The following GALNT10 variants were observed in gnomAD, a reference collection of about 807,000 sequenced individuals.
GALNT10 encodes polypeptide N-acetylgalactosaminyltransferase 10.
In GALNT10, 41 loss-of-function variants were observed where a neutral mutation model predicts 75.0. That is an observed-to-expected ratio of 0.55 (90% CI 0.43 to 0.71). The LOEUF (loss-of-function observed/expected upper bound fraction) is 0.71. Among genes scored for constraint, GALNT10 ranks in the 30% least tolerant of loss-of-function variants. GALNT10 has a pLI of 0.00. For missense variants in GALNT10, 727 were observed against 818.5 expected (o/e 0.89, Z 1.36); for synonymous variants, 302 against 313.0 (o/e 0.96, Z 0.37).
chr5:154,320,533 G>A (rs1293261365), intron 3 of GALNT10, among the ~76,000 whole-genome samples: 1 of 152,196 alleles, frequency 6.6e-6, no homozygotes. Flanking sequence ...AGATGTTAAG[G>A]CAGGAACTTT....
chr5:154,415,735 G>T (rs758997097), intron 10 of GALNT10, 48 bp from the exon 11 acceptor site: 1 of 1,535,906 alleles, frequency 6.5e-7, no homozygotes, highest in Non-Finnish European at 8.8e-7. Flanking sequence ...GAGAAAAAAA[G>T]AAAGTCCTTG....
intron 3 of GALNT10, among the ~76,000 whole-genome samples, chr5:154,317,002 C>A (rs1266299000): frequency 1.3e-5 from 2 of 152,216 alleles, no homozygotes; most frequent in Non-Finnish European, 2.9e-5. Flanking sequence ...CTCCCCATGG[C>A]TGTTTTAAAT....
intron 1 of GALNT10, among the ~76,000 whole-genome samples, chr5:154,285,059 A>G (rs1240590240): frequency 6.6e-6 from 1 of 152,202 alleles, no homozygotes; most frequent in African/African-American, 2.4e-5. Flanking sequence ...TCAAAAGTCC[A>G]GTGTGGGCAG....
At chr5:154,345,303 G>A (rs1205812867) in intron 4 of GALNT10, among the ~76,000 whole-genome samples, 3 of 152,122 alleles carry the variant, frequency 2.0e-5, no homozygotes, top group Non-Finnish European at 4.4e-5. Context: ...CTTTTTTGTA[G>A]TGAGAATATT....
At chr5:154,391,945 G>A (rs1755904776) in intron 7 of GALNT10, among the ~76,000 whole-genome samples, 1 of 152,136 alleles carries the variant, frequency 6.6e-6, no homozygotes, top group Non-Finnish European at 1.5e-5. Context: ...GCCCATCCCT[G>A]AACAATACTG....
chr5:154,260,544 C>G (rs1366113305), intron 1 of GALNT10, among the ~76,000 whole-genome samples: 1 of 152,034 alleles, frequency 6.6e-6, no homozygotes, highest in East Asian at 1.9e-4. Context: ...CAGGATGCAC[C>G]CCTTTTTAAA....
intron 1 of GALNT10, among the ~76,000 whole-genome samples, chr5:154,240,802 C>T (rs561369794): frequency 7.2e-5 from 11 of 152,180 alleles, no homozygotes; most frequent in Non-Finnish European, 1.6e-4. Context: ...TGCTATTTCA[C>T]TGTGGTATGG....
chr5:154,293,638 A>T lies in GALNT10; in HGVS notation c.160-1178A>T, dbSNP rs768472046. ...ATTTTTTTTTTCCTTTCAGCCATTC[A>T]ATTGCTTCTTCATACATTCCATGCC... On this transcript the variant is annotated intron_variant, in intron 1 of 11. Transcript: ENST00000297107. Among the ~76,000 whole-genome samples the T allele has an allele frequency of 4.5e-5, 6 of 132,196 alleles. No individual in the cohort carries two copies. The South Asian group carries it at 6.5e-4, about 14-fold the overall frequency. 86.7% of individuals were successfully genotyped at this position (132,196 alleles called of 152,430 possible). A position where few individuals can be genotyped will look rare whatever the true frequency, so the allele number is the denominator to read the frequency against.
At chr5:154,301,477 A>T (rs1283644951) in intron 3 of GALNT10, among the ~76,000 whole-genome samples, 2 of 151,930 alleles carry the variant, frequency 1.3e-5, no homozygotes, top group Non-Finnish European at 2.9e-5. Flanking sequence ...ATATGTAATG[A>T]TCAAGTCAAG....
chr5:154,293,615 T>TATA lies in GALNT10; in HGVS notation c.160-1201_160-1200insATA, dbSNP rs1561652563. Among the ~76,000 whole-genome samples, 31 of 132,938 alleles carry TATA rather than the reference T, an allele frequency of 2.3e-4. No homozygotes were observed. The East Asian group carries it at 4.5e-3, about 19-fold the overall frequency. 87.2% of individuals were successfully genotyped at this position (132,938 alleles called of 152,430 possible). A position where few individuals can be genotyped will look rare whatever the true frequency, so the allele number is the denominator to read the frequency against. On this transcript the variant is annotated intron_variant, in intron 1 of 11. Coordinates refer to ENST00000297107, the MANE Select transcript of GALNT10 (RefSeq NM_198321.4). ...GGCTGATATATATATATATATATAT[T>TATA]TTTTTTTTCCTTTCAGCCATTCAAT... is the stretch of plus-strand genomic sequence containing the variant.
chr5:154,248,268 TTC>T (rs891349544), intron 1 of GALNT10, among the ~76,000 whole-genome samples: 8 of 152,240 alleles, frequency 5.3e-5, no homozygotes, highest in African/African-American at 1.4e-4. Flanking sequence ...TGGTCTAAAA[TTC>T]TCTTTTTTTG....
rs1175684788 is a variant in GALNT10, at chr5:154,298,402, G to A, written c.401+323G>A. On this transcript the variant is annotated intron_variant, in intron 3 of 11. Transcript: ENST00000297107. The surrounding 1 kb of genome is among the most constrained non-coding windows in gnomAD (Gnocchi z 4.1). ...TTAACTTTCATTCTCTTCACTTTCT[G>A]TGTGATGTTTTTATTTCTTTTTAAA... is the stretch of plus-strand genomic sequence containing the variant. 2.6e-5 allele frequency among the ~76,000 whole-genome samples: 4 copies of A among 152,070 alleles called. No homozygotes were observed. Among genetic ancestry groups the A allele is most frequent in the Non-Finnish European group, 5.9e-5 (4 of 68,026 alleles).
At chr5:154,260,411 C>G (rs1302472632) in intron 1 of GALNT10, among the ~76,000 whole-genome samples, 1 of 152,160 alleles carries the variant, frequency 6.6e-6, no homozygotes, top group South Asian at 2.1e-4. Context: ...AGCAAGCGTG[C>G]AGCCAGTCAT....
chr5:154,321,624 A>G (rs544225555), intron 3 of GALNT10, among the ~76,000 whole-genome samples: 26 of 151,854 alleles, frequency 1.7e-4, no homozygotes, highest in Non-Finnish European at 2.9e-4. Flanking sequence ...GCACCTGGCC[A>G]CCCCCAGAAC....
intron 1 of GALNT10, among the ~76,000 whole-genome samples, chr5:154,218,551 C>T (rs1440203306): frequency 6.6e-6 from 1 of 152,132 alleles, no homozygotes; most frequent in Non-Finnish European, 1.5e-5. Context: ...AGAGTGCTAA[C>T]CACAAGTAAG....
At chr5:154,297,032 G>A (rs1302762101) in intron 2 of GALNT10, among the ~76,000 whole-genome samples, 1 of 152,204 alleles carries the variant, frequency 6.6e-6, no homozygotes, top group African/African-American at 2.4e-5. Flanking sequence ...AGCTCCAGAA[G>A]GCAAGATGAT....
At chr5:154,273,518 T>A (rs1328119740) in intron 1 of GALNT10, among the ~76,000 whole-genome samples, 1 of 152,118 alleles carries the variant, frequency 6.6e-6, no homozygotes, top group Non-Finnish European at 1.5e-5. Context: ...GCCAGGAGCA[T>A]AATGTCCAGT....
chr5:154,265,786 GT>G (rs1186198958), intron 1 of GALNT10, among the ~76,000 whole-genome samples: 1 of 152,038 alleles, frequency 6.6e-6, no homozygotes, highest in African/African-American at 2.4e-5. Context: ...AAGCAGGTGG[GT>G]TTTCGGTTTT....
chr5:154,202,812 C>A (rs1310747624), intron 1 of GALNT10, among the ~76,000 whole-genome samples: 1 of 152,206 alleles, frequency 6.6e-6, no homozygotes, highest in Non-Finnish European at 1.5e-5. Flanking sequence ...ATCTTTCCCG[C>A]TAGGGTGGGG....
Sources: allele counts gnomAD v4.1 joint callset (sites outside exome capture counted in the v4.1 genomes callset), GRCh38; gene constraint gnomAD v4.1.1; non-coding constraint Gnocchi (gnomAD v3.1); transcripts MANE v1.5; gene names NCBI Gene and HGNC (gene_info 2026-07-23, HGNC 2026-07-21).